DNAH14: variants seen among roughly 807,000 people sequenced by gnomAD.
DNAH14 encodes dynein axonemal heavy chain 14.
Under a neutral mutation model 520.9 loss-of-function variants are expected in DNAH14, and 478 were observed. That is an observed-to-expected ratio of 0.92 (90% CI 0.85 to 0.99). The LOEUF (loss-of-function observed/expected upper bound fraction) is 0.99, where lower values mean the gene tolerates loss of function less well. Among genes scored for constraint, DNAH14 ranks in the 50% least tolerant of loss-of-function variants. DNAH14 has a pLI of 0.00. For synonymous variants in DNAH14, 1,581 were observed against 1,757.2 expected (o/e 0.90, Z 2.51); for missense variants, 4,831 against 5,234.5 (o/e 0.92, Z 2.38).
In DNAH14 at chr1:225,152,941, T is replaced by C. The variant is rs928715323; in HGVS notation, c.5196+58T>C. 2.7e-6 allele frequency: 4 copies of C among 1,507,632 alleles called. No individual in the cohort carries two copies. The Admixed American group carries it at 8.8e-5, about 33-fold the overall frequency. 93.4% of individuals were successfully genotyped at this position (1,507,632 alleles called of 1,614,324 possible). A position where few individuals can be genotyped will look rare whatever the true frequency, so the allele number is the denominator to read the frequency against. On this transcript the variant is annotated intron_variant, in intron 33 of 85. Coordinates refer to ENST00000682510, the MANE Select transcript of DNAH14 (RefSeq NM_001367479.1). ...GTGATTATATAAAAATAACCTTAAG[T>C]AATACTTTTCTGGATTGGTCCAGGG...
intron 37 of DNAH14, among the ~76,000 whole-genome samples, chr1:225,188,140 T>C (rs2084965567): frequency 6.6e-6 from 1 of 151,976 alleles, no homozygotes; most frequent in Admixed American, 6.6e-5. Flanking sequence ...TATAGTTTTA[T>C]ATAGTAGTCT....
At chr1:225,185,625 ATATT>A (rs1199846173) in intron 37 of DNAH14, among the ~76,000 whole-genome samples, 200 bp downstream of exon 37, 1 of 151,938 alleles carries the variant, frequency 6.6e-6, no homozygotes, top group South Asian at 2.1e-4. Context: ...AAACTATTGT[ATATT>A]TATTTTGTAT....
intron 71 of DNAH14, among the ~76,000 whole-genome samples, chr1:225,351,067 A>G (rs1341942294): frequency 6.6e-6 from 1 of 152,212 alleles, no homozygotes; most frequent in Non-Finnish European, 1.5e-5. Context: ...CAGTTTCACA[A>G]CAGTATGAAT....
chr1:225,197,480 C>T (rs986078761), intron 38 of DNAH14, among the ~76,000 whole-genome samples: 7 of 152,102 alleles, frequency 4.6e-5, no homozygotes, highest in African/African-American at 1.7e-4. Flanking sequence ...AATATGGTGC[C>T]TCCAAATTTG....
chr1:225,080,482 A>T lies in DNAH14; in HGVS notation c.2870A>T (p.Lys957Ile). 2 of 1,551,808 alleles carry T rather than the reference A, an allele frequency of 1.3e-6. No individual in the cohort carries two copies. The highest frequency in any genetic ancestry group is 2.7e-5 in the African/African-American group (2 of 73,182). Reference protein sequence around the residue: ...GEAASLTNKAKAYSHYQDCFS... With the variant: ...GEAASLTNKAIAYSHYQDCFS... ...GCTGCAAGTTTAACTAACAAAGCTA[A>T]AGCATATTCACATTATCAGGATTGT... The change falls in exon 19 of 86, where the codon AAA (lysine) becomes ATA (isoleucine). Residue 957 changes from lysine to isoleucine, a missense_variant. Coordinates refer to ENST00000682510, the MANE Select transcript of DNAH14 (RefSeq NM_001367479.1).
intron 81 of DNAH14, among the ~76,000 whole-genome samples, chr1:225,386,028 A>G (rs1431212748): frequency 6.6e-6 from 1 of 152,214 alleles, no homozygotes; most frequent in East Asian, 1.9e-4. Context: ...GTACCAAAAC[A>G]GAGATATAGA....
intron 27 of DNAH14, among the ~76,000 whole-genome samples, chr1:225,133,522 A>T (rs1307124745): frequency 6.6e-6 from 1 of 151,932 alleles, no homozygotes; most frequent in Non-Finnish European, 1.5e-5. Context: ...GTTTGTGGAA[A>T]ATCAAATGGC....
chr1:225,276,165 A>G (rs944119355), intron 53 of DNAH14, 84 bp downstream of exon 53: 4 of 174,866 alleles, frequency 2.3e-5, no homozygotes, highest in African/African-American at 9.6e-5. Context: ...ATCTATGTAT[A>G]TCAAATCAGT....
chr1:225,121,614 G>C (rs1272716032), intron 26 of DNAH14, among the ~76,000 whole-genome samples: 1 of 152,074 alleles, frequency 6.6e-6, no homozygotes, highest in Non-Finnish European at 1.5e-5. Flanking sequence ...GCCGAGGTGG[G>C]TGGATCCCCT....
chr1:225,105,534 A>G lies in DNAH14; in HGVS notation c.3867+4650A>G, dbSNP rs557680301. Among the ~76,000 whole-genome samples the G allele has an allele frequency of 6.6e-5, 10 of 152,164 alleles. No homozygotes were observed. The East Asian group carries it at 1.2e-3, about 18-fold the overall frequency. ...GTGTGGGAGTCTAAGTCTCTTTCTAAGTCTCTAAGGACTTGCTTTATGAAT... is the reference window on the plus strand; with the variant it reads ...GTGTGGGAGTCTAAGTCTCTTTCTAGGTCTCTAAGGACTTGCTTTATGAAT... On this transcript the variant is annotated intron_variant, in intron 23 of 85. Transcript: ENST00000682510.
At position 225,335,710 on chromosome 1, in the gene DNAH14, T is replaced by C. The variant is rs373875892; in HGVS notation, c.10081-1556T>C. Among the ~76,000 whole-genome samples the C allele has an allele frequency of 2.7e-4, 23 of 84,890 alleles. 1 individual carries two copies. Among genetic ancestry groups the C allele is most frequent in the Non-Finnish European group, 4.6e-4 (19 of 40,896 alleles). 55.7% of individuals were successfully genotyped at this position (84,890 alleles called of 152,430 possible). On this transcript the variant is annotated intron_variant, in intron 66 of 85. Transcript: ENST00000682510. ...GCATATATACATATGTGCATATATG[T>C]ATATACGCATATATACATATGTGCA...
chr1:225,291,692 G>C (rs12410449), intron 55 of DNAH14, among the ~76,000 whole-genome samples: 4 of 151,808 alleles, frequency 2.6e-5, no homozygotes, highest in Non-Finnish European at 5.9e-5. Flanking sequence ...CATTCCCACC[G>C]ACAGTGTACA....
chr1:225,311,397 G>A (rs1216190224), intron 60 of DNAH14, among the ~76,000 whole-genome samples: 1 of 152,026 alleles, frequency 6.6e-6, no homozygotes, highest in African/African-American at 2.4e-5. Context: ...CATTCTGTAG[G>A]CTGCCTGTTC....
chr1:225,096,171 G>A (rs1488869604), intron 21 of DNAH14, among the ~76,000 whole-genome samples: 3 of 151,804 alleles, frequency 2.0e-5, no homozygotes, highest in African/African-American at 7.3e-5. Context: ...TAGTGGAGAC[G>A]GGGTTTCACC....
intron 10 of DNAH14, among the ~76,000 whole-genome samples, chr1:225,019,574 A>C (rs1406195411): frequency 1.3e-5 from 2 of 152,210 alleles, no homozygotes; most frequent in Admixed American, 6.5e-5. Flanking sequence ...GTTGGATCTA[A>C]CAGACACCTA....
intron 42 of DNAH14, among the ~76,000 whole-genome samples, chr1:225,233,257 G>A (rs1438853334): frequency 6.6e-6 from 1 of 152,120 alleles, no homozygotes; most frequent in Non-Finnish European, 1.5e-5. Flanking sequence ...GAATTGTGCT[G>A]CAGTGAACAT....
At chr1:225,267,616 T>C (rs555985595) in intron 49 of DNAH14, among the ~76,000 whole-genome samples, 2 of 152,210 alleles carry the variant, frequency 1.3e-5, no homozygotes, top group South Asian at 4.2e-4. Flanking sequence ...TAAACAAATA[T>C]AGAAATTCAA....
At position 225,206,121 on chromosome 1, in the gene DNAH14, T is replaced by G; in HGVS notation, c.6128T>G (p.Val2043Gly). The G allele has an allele frequency of 1.3e-6, 2 of 1,551,506 alleles. No individual in the cohort carries two copies. Among genetic ancestry groups the G allele is most frequent in the Non-Finnish European group, 1.7e-6 (2 of 1,146,820 alleles). Residue 2043 changes from valine (V) to glycine (G), a missense_variant, in exon 40 of 86, where the codon GTG (valine) becomes GGG (glycine). Val to Gly is a moderately radical substitution (Grantham distance 109, BLOSUM62 -3). Coordinates refer to ENST00000682510, the MANE Select transcript of DNAH14 (RefSeq NM_001367479.1). ...LTNKIRVIFE[V>G]DNLSQASPAT... ...AATAAAATAAGAGTGATTTTTGAAG[T>G]GGACAATCTCTCTCAGGCCAGTCCT...
Position 225,313,958 on chromosome 1 carries a change from T to C in DNAH14, c.9241-4625T>C, listed in dbSNP as rs2094419928. Among the ~76,000 whole-genome samples, 3 of 152,220 alleles carry C rather than the reference T, an allele frequency of 2.0e-5. No individual in the cohort carries two copies. In the South Asian group the frequency reaches 6.2e-4, roughly 31 times the overall value. ...TTCTGTAGATGTCTGTTAGGTCTGCTTGGTCCTGAGCTGAGTTCAATTCCT... is the reference window on the plus strand; with the variant it reads ...TTCTGTAGATGTCTGTTAGGTCTGCCTGGTCCTGAGCTGAGTTCAATTCCT... On this transcript the variant is annotated intron_variant, in intron 60 of 85. Transcript: ENST00000682510.
Sources: gnomAD v4.1 joint callset for allele counts (sites outside exome capture counted in the v4.1 genomes callset) on GRCh38, gnomAD v4.1.1 for gene constraint, MANE v1.5 for transcripts, NCBI Gene and HGNC (gene_info 2026-07-23, HGNC 2026-07-21) for gene names.